The following PCDH15 variants were observed in gnomAD, a reference collection of about 807,000 sequenced individuals.
PCDH15 encodes the protein protocadherin related 15, also known as protocadherin-15.
PCDH15 carries 129 observed loss-of-function variants against 178.5 expected under a neutral mutation model. The ratio of observed to expected loss-of-function variants is 0.72; its 90% CI spans 0.63 to 0.84. The LOEUF is 0.84. Ranked by LOEUF, PCDH15 falls within the 40% of genes least tolerant of loss-of-function variation. The pLI is 0.00. For missense variants in PCDH15, 2,230 were observed against 2,099.9 expected (o/e 1.06, Z -1.21); for synonymous variants, 800 against 732.0 (o/e 1.09, Z -1.50).
At chr10:54,345,233 A>C (rs536700140) in intron 6 of PCDH15, among the ~76,000 whole-genome samples, 1 of 152,150 alleles carries the variant, frequency 6.6e-6, no homozygotes, top group Admixed American at 6.6e-5. Context: ...TAATGCAATA[A>C]ATTTGTGATG....
intron 3 of PCDH15, among the ~76,000 whole-genome samples, chr10:54,874,025 G>T: frequency 1.5e-5 from 2 of 130,914 alleles, no homozygotes; most frequent in Non-Finnish European, 3.2e-5. Context: ...ACAATGTGCA[G>T]GTTAGTTACA....
chr10:55,101,649 G>C (rs2132046535), intron 2 of PCDH15, among the ~76,000 whole-genome samples: 1 of 151,630 alleles, frequency 6.6e-6, no homozygotes, highest in Admixed American at 6.6e-5. Context: ...TTAAATTTTA[G>C]ATCTAGTTTG....
At chr10:54,401,181 GC>G (rs1176538607) in intron 3 of PCDH15, among the ~76,000 whole-genome samples, 1 of 151,848 alleles carries the variant, frequency 6.6e-6, no homozygotes, top group Non-Finnish European at 1.5e-5. Flanking sequence ...CTAAAACCTG[GC>G]TTTGTCTAAA....
At chr10:55,409,061 C>G (rs546740910) in intron 2 of PCDH15, among the ~76,000 whole-genome samples, 4 of 151,940 alleles carry the variant, frequency 2.6e-5, no homozygotes, top group Non-Finnish European at 5.9e-5. Context: ...GGATTCTGTC[C>G]TAGGTGCTTC....
At chr10:55,240,944 C>T (rs953163180) in intron 1 of PCDH15, among the ~76,000 whole-genome samples, 3 of 152,142 alleles carry the variant, frequency 2.0e-5, no homozygotes, top group African/African-American at 7.2e-5. Flanking sequence ...AGACCGGGCA[C>T]GGTGGCTCAG....
chr10:54,677,196 A>G (rs2094805351), intron 1 of PCDH15, among the ~76,000 whole-genome samples: 1 of 152,076 alleles, frequency 6.6e-6, no homozygotes. Flanking sequence ...AAGTAGCAAG[A>G]CCCAGTCTCT....
chr10:55,018,971 A>G (rs958433342), intron 2 of PCDH15, among the ~76,000 whole-genome samples: 38 of 152,288 alleles, frequency 2.5e-4, no homozygotes, highest in African/African-American at 8.9e-4. Flanking sequence ...ATCAAGTATC[A>G]TAACAAAAAC....
chr10:55,148,070 AG>A (rs2132097373), intron 2 of PCDH15, among the ~76,000 whole-genome samples: 1 of 151,398 alleles, frequency 6.6e-6, no homozygotes, highest in African/African-American at 2.4e-5. Flanking sequence ...TTAAAGCTAA[AG>A]AAAATATTTT....
At chr10:53,902,735 G>C (rs992213700) in intron 26 of PCDH15, among the ~76,000 whole-genome samples, 4 of 152,056 alleles carry the variant, frequency 2.6e-5, no homozygotes, top group African/African-American at 9.7e-5. Flanking sequence ...GAAATTCCAA[G>C]TAAGCCAACA....
At chr10:55,204,409 A>C (rs1005861429) in intron 1 of PCDH15, among the ~76,000 whole-genome samples, 3 of 151,776 alleles carry the variant, frequency 2.0e-5, no homozygotes, top group African/African-American at 7.3e-5. Context: ...TTAAATATAA[A>C]ACTCTTCCTT....
upstream of PCDH15, among the ~76,000 whole-genome samples, chr10:54,805,063 T>C (rs757619699): frequency 6.7e-6 from 1 of 150,126 alleles, no homozygotes; most frequent in South Asian, 2.1e-4. Context: ...TAATATTTCT[T>C]ATAATATTTC....
At chr10:53,905,151 A>G (rs553439994) in intron 25 of PCDH15, 78 of 517,200 alleles carry the variant, frequency 1.5e-4, no homozygotes, top group Middle Eastern at 9.6e-4. Context: ...TTTTCTCTCA[A>G]CTCCACAGCT....
chr10:54,671,454 C>G (rs1290695507), intron 1 of PCDH15, among the ~76,000 whole-genome samples: 1 of 152,012 alleles, frequency 6.6e-6, no homozygotes, highest in Non-Finnish European at 1.5e-5. Context: ...TAATAAAAGT[C>G]CTGGCTCTGG....
intron 3 of PCDH15, among the ~76,000 whole-genome samples, chr10:54,894,246 T>C (rs571371340): frequency 6.6e-6 from 1 of 152,210 alleles, no homozygotes; most frequent in East Asian, 1.9e-4. Context: ...TATTGTTCAG[T>C]GCAATTAGAA....
chr10:53,860,316 T>C (rs1030457533), intron 27 of PCDH15, among the ~76,000 whole-genome samples: 8 of 152,156 alleles, frequency 5.3e-5, no homozygotes, highest in Non-Finnish European at 8.8e-5. Context: ...CTTTGTAGTT[T>C]AGTGGAGCCA....
At chr10:55,236,840 A>C (rs1236016705) in intron 1 of PCDH15, among the ~76,000 whole-genome samples, 1 of 151,910 alleles carries the variant, frequency 6.6e-6, no homozygotes, top group East Asian at 1.9e-4. Context: ...TACACCACAT[A>C]ATTCTGATAA....
At chr10:54,426,434 T>C (rs756952595) in intron 3 of PCDH15, among the ~76,000 whole-genome samples, 4 of 152,108 alleles carry the variant, frequency 2.6e-5, no homozygotes, top group Admixed American at 6.5e-5. Context: ...GATAATCAAA[T>C]GCTGCCAGTG....
intron 2 of PCDH15, among the ~76,000 whole-genome samples, chr10:54,608,390 T>A (rs1276840520): frequency 2.0e-5 from 3 of 151,976 alleles, no homozygotes; most frequent in Non-Finnish European, 4.4e-5. Flanking sequence ...GAGAAACGCT[T>A]CAACTCGGGA....
At chr10:54,498,557 A>G (rs1183713797) in intron 3 of PCDH15, among the ~76,000 whole-genome samples, 1 of 152,184 alleles carries the variant, frequency 6.6e-6, no homozygotes, top group Admixed American at 6.6e-5. Flanking sequence ...CTAACATGCA[A>G]TGAAACCCAT....
Sources: gnomAD v4.1 joint callset for allele counts (sites outside exome capture counted in the v4.1 genomes callset) on GRCh38, gnomAD v4.1.1 for gene constraint, MANE v1.5 for transcripts, NCBI Gene and HGNC (gene_info 2026-07-23, HGNC 2026-07-21) for gene names.